The following LCORL variants were observed in gnomAD, a reference collection of about 807,000 sequenced individuals.
LCORL encodes ligand dependent nuclear receptor corepressor like.
In LCORL, 41 loss-of-function variants were observed where a neutral mutation model predicts 141.8. That is an observed-to-expected ratio of 0.29 (90% CI 0.23 to 0.38). LCORL has a LOEUF of 0.38. LCORL is among the 10% of genes least tolerant of loss of function. The pLI is 1.00. For synonymous variants in LCORL, 618 were observed against 694.1 expected (o/e 0.89, Z 1.72); for missense variants, 1,759 against 2,035.0 (o/e 0.86, Z 2.61).
chr4:17,975,554 G>A (rs1254668531), intron 1 of LCORL, among the ~76,000 whole-genome samples: 1 of 151,924 alleles, frequency 6.6e-6, no homozygotes, highest in African/African-American at 2.4e-5. Context: ...ATGCCATCAC[G>A]CCCGGCTATT....
chr4:17,883,486 A>G (rs1727852781), intron 6 of LCORL: 1 of 1,232,498 alleles, frequency 8.1e-7, no homozygotes, highest in African/African-American at 1.6e-5. Flanking sequence ...ACAAACTATC[A>G]GAATTAAGTA....
intron 7 of LCORL, among the ~76,000 whole-genome samples, chr4:17,857,767 G>A (rs1724532257): frequency 6.6e-6 from 1 of 152,202 alleles, no homozygotes; most frequent in Non-Finnish European, 1.5e-5. Flanking sequence ...TATCCTCTGA[G>A]ACAAAATCAT....
At chr4:17,986,236 T>C (rs957458488) in intron 1 of LCORL, among the ~76,000 whole-genome samples, 7 of 152,172 alleles carry the variant, frequency 4.6e-5, no homozygotes, top group Non-Finnish European at 8.8e-5. Flanking sequence ...TTACATGTCA[T>C]AGGGATGATC....
In LCORL at chr4:17,892,199, T is replaced by G. The variant is rs558378112; in HGVS notation, c.683-6038A>C. ...CCTACCTCTGCAAGTCAAATAGTATTTTTTTTTTTCTTTTTTTTTTTTTTT... is the reference window on the plus strand; with the variant it reads ...CCTACCTCTGCAAGTCAAATAGTATGTTTTTTTTTCTTTTTTTTTTTTTTT... On this transcript the variant is annotated intron_variant, in intron 5 of 7. Coordinates refer to ENST00000635767, the Ensembl canonical transcript of LCORL. Among the ~76,000 whole-genome samples, 12 of 130,726 alleles carry G rather than the reference T, an allele frequency of 9.2e-5. No individual in the cohort carries two copies. In the South Asian group the frequency reaches 2.9e-3, roughly 32 times the overall value. 85.8% of individuals were successfully genotyped at this position (130,726 alleles called of 152,430 possible). A position where few individuals can be genotyped will look rare whatever the true frequency, so the allele number is the denominator to read the frequency against.
At chr4:17,889,520 T>C (rs1577337198) in intron 5 of LCORL, among the ~76,000 whole-genome samples, 1 of 152,262 alleles carries the variant, frequency 6.6e-6, no homozygotes, top group Admixed American at 6.5e-5. Context: ...TTAAGAATTT[T>C]AGATCAATTT....
chr4:17,953,886 A>G (rs886553120), intron 4 of LCORL, among the ~76,000 whole-genome samples: 12 of 152,164 alleles, frequency 7.9e-5, no homozygotes, highest in African/African-American at 2.9e-4. Flanking sequence ...TGTGAGGGCC[A>G]GGCGCGGTGG....
Position 18,021,530 on chromosome 4 carries a change from A to C in LCORL, c.154+68T>G. On this transcript the variant is annotated intron_variant, in intron 1 of 7. Transcript: ENST00000635767. The surrounding 1 kb of genome is among the most constrained non-coding windows in gnomAD (Gnocchi z 5.5). ...GGAGATTCAACTAAACCCCTCAGCC[A>C]CAAACTCCTCGGGCTGCGACAGCGG... 1 of 1,396,244 alleles carries C rather than the reference A, an allele frequency of 7.2e-7. No individual in the cohort carries two copies. Among genetic ancestry groups the C allele is most frequent in the Non-Finnish European group, 9.6e-7 (1 of 1,042,338 alleles). 86.5% of individuals were successfully genotyped at this position (1,396,244 alleles called of 1,614,324 possible).
At chr4:17,953,038 C>T (rs929272460) in intron 4 of LCORL, among the ~76,000 whole-genome samples, 1 of 152,040 alleles carries the variant, frequency 6.6e-6, no homozygotes, top group African/African-American at 2.4e-5. Context: ...AAGATAATGG[C>T]CTCTGGTTCC....
chr4:17,883,576 G>C, intron 6 of LCORL: 1 of 1,346,510 alleles, frequency 7.4e-7, no homozygotes, highest in East Asian at 2.6e-5. Flanking sequence ...TTTTTGAACT[G>C]TAAAATTTCA....
At chr4:17,993,102 A>G (rs559768604) in intron 1 of LCORL, among the ~76,000 whole-genome samples, 18 of 152,348 alleles carry the variant, frequency 1.2e-4, no homozygotes, top group South Asian at 2.1e-4. Flanking sequence ...AGAAAACTTG[A>G]TATGTTTAAG....
intron 7 of LCORL, among the ~76,000 whole-genome samples, chr4:17,850,447 C>T (rs541431600): frequency 6.6e-6 from 1 of 151,954 alleles, no homozygotes; most frequent in South Asian, 2.1e-4. Context: ...AAAAAACAAC[C>T]CCATCAAAAA....
At chr4:17,875,121 T>A in exon 7 of LCORL, 5 of 1,233,332 alleles carry the variant, frequency 4.1e-6, no homozygotes, top group Non-Finnish European at 5.1e-6. Flanking sequence ...TTCAGGCAGA[T>A]TTTTTCCTGA....
At chr4:17,882,320 G>C (rs1048148989) in intron 6 of LCORL, 4 of 984,296 alleles carry the variant, frequency 4.1e-6, no homozygotes, top group African/African-American at 3.5e-5. Context: ...AGAGAAAGGG[G>C]GCACTCAGAG....
intron 1 of LCORL, among the ~76,000 whole-genome samples, chr4:18,018,345 A>G (rs1290469840): frequency 1.3e-5 from 2 of 152,190 alleles, no homozygotes; most frequent in South Asian, 2.1e-4. Flanking sequence ...ACTGAAAACT[A>G]TAACACAGTA....
intron 5 of LCORL, among the ~76,000 whole-genome samples, chr4:17,903,002 TA>T (rs1022679091): frequency 2.7e-4 from 41 of 152,188 alleles, no homozygotes; most frequent in African/African-American, 8.4e-4. Context: ...TAAAAAGTAT[TA>T]AAAAGTATAT....
rs1159369375 is a variant in LCORL, at chr4:17,844,728, G to GTCTT, written c.*1156_*1159dup. On this transcript the variant is annotated 3_prime_UTR_variant, in exon 8 of 8. Coordinates refer to ENST00000635767, the Ensembl canonical transcript of LCORL. ...TACATTAAGTGTGCTGTAAGGAAAA[G>GTCTT]TCTTAGAAACATAATAAGCTAAAAT... 3 of 152,542 alleles carry GTCTT rather than the reference G, an allele frequency of 2.0e-5. No homozygotes were observed. In the East Asian group the frequency reaches 5.8e-4, roughly 29 times the overall value. The allele number at this position is 152,542 out of a possible 1,614,324, so 9.4% of individuals were successfully genotyped here. A position where few individuals can be genotyped will look rare whatever the true frequency, so the allele number is the denominator to read the frequency against.
At chr4:17,883,626 GTATA>G (rs1395587669) in intron 6 of LCORL, 9 of 1,426,358 alleles carry the variant, frequency 6.3e-6, no homozygotes, top group Non-Finnish European at 7.3e-6. Flanking sequence ...TCCCACGTGT[GTATA>G]TAGACACACA....
intron 7 of LCORL, among the ~76,000 whole-genome samples, chr4:17,858,846 C>T (rs1417182955): frequency 1.3e-5 from 2 of 152,042 alleles, no homozygotes; most frequent in Non-Finnish European, 2.9e-5. Flanking sequence ...ATAAAGGCAA[C>T]CATGCCAAGC....
At chr4:17,868,646 A>C (rs1324902439) in intron 7 of LCORL, among the ~76,000 whole-genome samples, 1 of 152,148 alleles carries the variant, frequency 6.6e-6, no homozygotes, top group African/African-American at 2.4e-5. Flanking sequence ...TTCACACATC[A>C]CATTTCCCAT....
Sources: gnomAD v4.1 joint callset for allele counts (sites outside exome capture counted in the v4.1 genomes callset) on GRCh38, gnomAD v4.1.1 for gene constraint, Gnocchi (gnomAD v3.1) non-coding constraint, MANE v1.5 for transcripts, NCBI Gene and HGNC (gene_info 2026-07-23, HGNC 2026-07-21) for gene names.